Variants in ADARB1 observed in about 807,000 individuals in gnomAD.
The protein encoded by ADARB1 is adenosine deaminase RNA specific B1.
Under a neutral mutation model 52.4 loss-of-function variants are expected in ADARB1, and 10 were observed. The ratio of observed to expected loss-of-function variants is 0.19; its 90% confidence interval spans 0.12 to 0.32. ADARB1 has a LOEUF of 0.32. Ranked by LOEUF, ADARB1 falls within the 10% of genes least tolerant of loss-of-function variation. The pLI, the probability that ADARB1 is intolerant of heterozygous loss-of-function variation, is 1.00. For synonymous variants in ADARB1, 349 were observed against 371.1 expected (o/e 0.94, Z 0.68); for missense variants, 643 against 922.3 (o/e 0.70, Z 3.92).
chr21:45,168,909 T>C (rs1293154555), intron 2 of ADARB1, among the ~76,000 whole-genome samples: 1 of 152,254 alleles, frequency 6.6e-6, no homozygotes, highest in East Asian at 1.9e-4. Flanking sequence ...TATGATATTA[T>C]GAGACTCTAA....
Position 45,220,793 on chromosome 21 carries a change from T to A in ADARB1, c.1748-43T>A, listed in dbSNP as rs1463330042. The stretch of plus-strand genomic sequence containing the variant: ...CCCGTGGCTGCTCCCTCCCTGGGGG[T>A]GAAAGCGGGCTTCACACCACCTTCC... On this transcript the variant is annotated intron_variant, in intron 9 of 10. Coordinates refer to ENST00000348831, the MANE Select transcript of ADARB1 (RefSeq NM_001112.4). This position sits in a 1 kb window ranked among gnomAD's most constrained non-coding sequence, Gnocchi z 6.3. 1 of 1,597,864 alleles carries A rather than the reference T, an allele frequency of 6.3e-7. No individual in the cohort carries two copies. Among genetic ancestry groups the A allele is most frequent in the Non-Finnish European group, 8.6e-7 (1 of 1,169,062 alleles).
intron 8 of ADARB1, among the ~76,000 whole-genome samples, chr21:45,197,499 CA>C (rs58085027): frequency 0.19 from 21,018 of 113,518 alleles, 1,859 homozygotes; most frequent in African/African-American, 0.31. Flanking sequence ...GACTCTGTCT[CA>C]AAAAAAAAAA....
chr21:45,113,744 C>T (rs1460993856), intron 1 of ADARB1, among the ~76,000 whole-genome samples: 2 of 151,996 alleles, frequency 1.3e-5, no homozygotes, highest in Non-Finnish European at 2.9e-5. Context: ...CAGTATTGGT[C>T]GGTGTTTCGG....
At chr21:45,215,522 G>A (rs1252157362) in intron 9 of ADARB1, among the ~76,000 whole-genome samples, 2 of 152,000 alleles carry the variant, frequency 1.3e-5, no homozygotes, top group Middle Eastern at 3.2e-3. Flanking sequence ...CAGCTACTTG[G>A]GAACTAAGGC....
intron 2 of ADARB1, among the ~76,000 whole-genome samples, chr21:45,161,131 G>A (rs11088982): frequency 0.31 from 47,300 of 152,090 alleles, 7,873 homozygotes; most frequent in Admixed American, 0.37. Flanking sequence ...CCTGTCTGGA[G>A]TTGCTGCTGC....
intron 2 of ADARB1, among the ~76,000 whole-genome samples, chr21:45,153,321 C>G (rs969063215): frequency 1.4e-5 from 2 of 142,520 alleles, no homozygotes; most frequent in Non-Finnish European, 3.0e-5. Flanking sequence ...ACCTAAATTG[C>G]TGCTTTAAAA....
In ADARB1 at chr21:45,225,640, C is replaced by A; in HGVS notation, c.*3443C>A. 8.5e-7 allele frequency: 1 copy of A among 1,182,936 alleles called. No homozygotes were observed. Among genetic ancestry groups the A allele is most frequent in the Non-Finnish European group, 1.1e-6 (1 of 903,792 alleles). 73.3% of individuals were successfully genotyped at this position (1,182,936 alleles called of 1,614,324 possible). On this transcript the variant is annotated 3_prime_UTR_variant, in exon 11 of 11. Coordinates refer to ENST00000348831, the MANE Select transcript of ADARB1 (RefSeq NM_001112.4). ...GTGGAGACTGCACATCCGGACCTGCCCATGTCTCAAAACAAACACATGTAC... is the reference window on the plus strand; with the variant it reads ...GTGGAGACTGCACATCCGGACCTGCACATGTCTCAAAACAAACACATGTAC...
chr21:45,171,504 T>C, intron 2 of ADARB1, 106 bp from the exon 3 acceptor site: 1 of 738,786 alleles, frequency 1.4e-6, no homozygotes, highest in Non-Finnish European at 2.2e-6. Flanking sequence ...TTATGATTTT[T>C]TTCCTTTAAT....
rs1307898903 is a variant in ADARB1 at position 45,225,732 on chromosome 21, G to C, written c.*3535G>C. ...GGTGGTCTGCCCCAGGCATAAAGAA[G>C]GAAAATTGGCCATCTTTCCCACCTC... On this transcript the variant is annotated 3_prime_UTR_variant, in exon 11 of 11. Coordinates refer to ENST00000348831, the MANE Select transcript of ADARB1 (RefSeq NM_001112.4). 1 of 477,994 alleles carries C rather than the reference G, an allele frequency of 2.1e-6. No homozygotes were observed. The highest frequency in any genetic ancestry group is 2.0e-5 in the African/African-American group (1 of 50,142). 29.6% of individuals were successfully genotyped at this position (477,994 alleles called of 1,614,324 possible).
At chr21:45,134,881 CT>C (rs1342396014) in intron 2 of ADARB1, 1 of 524,430 alleles carries the variant, frequency 1.9e-6, no homozygotes, top group African/African-American at 1.9e-5. Flanking sequence ...CACCACACCC[CT>C]GGCTGCCGTT....
intron 1 of ADARB1, among the ~76,000 whole-genome samples, chr21:45,122,240 T>G (rs541042794): frequency 1.3e-5 from 2 of 152,364 alleles, no homozygotes; most frequent in South Asian, 4.1e-4. Context: ...ACAGTCTAAT[T>G]AAATTATAAT....
At chr21:45,162,258 AT>A (rs1374499141) in intron 2 of ADARB1, among the ~76,000 whole-genome samples, 1 of 152,164 alleles carries the variant, frequency 6.6e-6, no homozygotes, top group Non-Finnish European at 1.5e-5. Flanking sequence ...GGTTTCAGCC[AT>A]GGAAGCTGTG....
chr21:45,152,773 T>C, intron 2 of ADARB1: 1 of 226,136 alleles, frequency 4.4e-6, no homozygotes, highest in Non-Finnish European at 1.0e-5. Context: ...CAGAAGTGTT[T>C]TCTGGGATAG....
At chr21:45,078,031 G>A (rs983364907) in intron 1 of ADARB1, among the ~76,000 whole-genome samples, 8 of 152,192 alleles carry the variant, frequency 5.3e-5, no homozygotes. Context: ...TTGGGCTAGG[G>A]CCATTAATAT....
At chr21:45,092,372 A>C (rs777139891) in intron 1 of ADARB1, among the ~76,000 whole-genome samples, 77 of 152,234 alleles carry the variant, frequency 5.1e-4, no homozygotes, top group Non-Finnish European at 1.1e-3. Context: ...TCTCTACTGC[A>C]TTACAACTGT....
chr21:45,172,659 G>T lies in ADARB1; in HGVS notation c.28+975G>T, dbSNP rs1267977479. The stretch of plus-strand genomic sequence containing the variant: ...GCCCCATGGGTGTGCTGTGGAGGCG[G>T]CTGGGCCTCTGCTCTATGGACTGTG... On this transcript the variant is annotated intron_variant, in intron 3 of 10. Coordinates refer to ENST00000348831, the MANE Select transcript of ADARB1 (RefSeq NM_001112.4). The surrounding 1 kb of genome is among the most constrained non-coding windows in gnomAD (Gnocchi z 4.4). Among the ~76,000 whole-genome samples the T allele has an allele frequency of 6.6e-6, 1 of 152,188 alleles. No individual in the cohort carries two copies. The highest frequency in any genetic ancestry group is 2.4e-5 in the African/African-American group (1 of 41,438).
At chr21:45,135,414 A>G (rs182841762) in intron 2 of ADARB1, among the ~76,000 whole-genome samples, 4 of 152,366 alleles carry the variant, frequency 2.6e-5, no homozygotes, top group Admixed American at 6.5e-5. Context: ...AGTTAAAACC[A>G]TAAACAGGTG....
At position 45,142,071 on chromosome 21, in the gene ADARB1, C is replaced by T. The variant is rs540631093; in HGVS notation, c.-48+13498C>T. On this transcript the variant is annotated intron_variant, in intron 2 of 10. Transcript: ENST00000348831. The surrounding 1 kb of genome is among the most constrained non-coding windows in gnomAD (Gnocchi z 4.0). ...ACCTCTGGGTGTCCTTAGCCACCCCCGGGCCACCTTGGCCACTCTGGGTCA... is the reference window on the plus strand; with the variant it reads ...ACCTCTGGGTGTCCTTAGCCACCCCTGGGCCACCTTGGCCACTCTGGGTCA... Among the ~76,000 whole-genome samples the T allele has an allele frequency of 5.3e-5, 8 of 152,010 alleles. No individual in the cohort carries two copies. The highest frequency in any genetic ancestry group is 7.4e-5 in the Non-Finnish European group (5 of 67,924).
intron 3 of ADARB1, among the ~76,000 whole-genome samples, chr21:45,173,551 T>C (rs773342210): frequency 6.6e-5 from 10 of 152,082 alleles, no homozygotes; most frequent in Non-Finnish European, 1.2e-4. Flanking sequence ...AAGGAAAGCA[T>C]TTGGTTATTT....
Sources: allele counts gnomAD v4.1 joint callset (sites outside exome capture counted in the v4.1 genomes callset), GRCh38; gene constraint gnomAD v4.1.1; non-coding constraint Gnocchi (gnomAD v3.1); transcripts MANE v1.5; gene names NCBI Gene and HGNC (gene_info 2026-07-23, HGNC 2026-07-21).